Variants in DTNA observed in about 807,000 individuals in gnomAD.
DTNA encodes the protein dystrobrevin alpha.
In DTNA, 43 loss-of-function variants were observed where a neutral mutation model predicts 100.7. The observed-to-expected ratio is 0.43, with a 90% CI of 0.33 to 0.55. The LOEUF (loss-of-function observed/expected upper bound fraction) is 0.55, where lower values mean the gene tolerates loss of function less well. Ranked by LOEUF, DTNA falls within the 20% of genes least tolerant of loss-of-function variation. The pLI is 0.04. For missense variants in DTNA, 798 were observed against 953.9 expected (o/e 0.84, Z 2.15); for synonymous variants, 349 against 347.9 (o/e 1.00, Z -0.04).
chr18:34,827,691 T>C lies in DTNA; in HGVS notation c.1085+15T>C. The C allele has an allele frequency of 1.9e-6, 3 of 1,610,136 alleles. No individual in the cohort carries two copies. Among genetic ancestry groups the C allele is most frequent in the Non-Finnish European group, 1.7e-6 (2 of 1,176,376 alleles). On this transcript the variant is annotated intron_variant, in intron 10 of 22. Transcript: ENST00000444659. Reference sequence around the variant, plus strand: ...ATTACCAGGAGGTAAGTTCCAACCCTATTATAAAATAAGCCCTTTCTTTGG... The same window carrying C: ...ATTACCAGGAGGTAAGTTCCAACCCCATTATAAAATAAGCCCTTTCTTTGG...
intron 1 of DTNA, among the ~76,000 whole-genome samples, chr18:34,642,590 C>T (rs189099633): frequency 2.6e-5 from 4 of 151,490 alleles, no homozygotes; most frequent in East Asian, 1.9e-4. Flanking sequence ...AACGGAGTCT[C>T]GCTCTGTTGC....
chr18:34,753,662 G>C (rs546645367), intron 1 of DTNA, among the ~76,000 whole-genome samples: 1 of 141,812 alleles, frequency 7.1e-6, no homozygotes, highest in Non-Finnish European at 1.5e-5. Context: ...GATTACAGGC[G>C]TGAGCCACCG....
At chr18:34,856,464 G>A (rs974515685) in intron 15 of DTNA, among the ~76,000 whole-genome samples, 2 of 152,210 alleles carry the variant, frequency 1.3e-5, no homozygotes, top group East Asian at 3.8e-4. Flanking sequence ...AGCACCTTTG[G>A]TGGAGCCAGT....
intron 7 of DTNA, 25 bp downstream of exon 7, chr18:34,816,039 G>A (rs989786090): frequency 1.2e-6 from 2 of 1,603,668 alleles, no homozygotes; most frequent in East Asian, 2.2e-5. Context: ...AGGAGCAAAG[G>A]TGATTTTTTA....
upstream of DTNA, chr18:34,708,097 C>G (rs1370744556): frequency 6.6e-6 from 1 of 152,026 alleles, no homozygotes; most frequent in Non-Finnish European, 1.5e-5. Flanking sequence ...TTTTTTAACC[C>G]CTGGCTGCTT....
chr18:34,762,261 A>T (rs1412375279), intron 2 of DTNA, among the ~76,000 whole-genome samples: 4 of 152,228 alleles, frequency 2.6e-5, no homozygotes, highest in African/African-American at 9.6e-5. Context: ...CCTTAATTTC[A>T]GCAAGATATT....
chr18:34,510,321 C>T (rs1200631311), intron 1 of DTNA, among the ~76,000 whole-genome samples: 1 of 151,668 alleles, frequency 6.6e-6, no homozygotes, highest in African/African-American at 2.4e-5. Flanking sequence ...AGTTTTCATC[C>T]CTCAGTACCC....
At chr18:34,735,883 A>C (rs1601102873) in intron 1 of DTNA, among the ~76,000 whole-genome samples, 1 of 152,242 alleles carries the variant, frequency 6.6e-6, no homozygotes, top group Admixed American at 6.5e-5. Context: ...GGTGGCTAAA[A>C]CAGTGCATGA....
intron 1 of DTNA, among the ~76,000 whole-genome samples, chr18:34,606,508 T>G (rs2147350201): frequency 6.6e-6 from 1 of 152,248 alleles, no homozygotes; most frequent in South Asian, 2.1e-4. Flanking sequence ...TTCCTGAATC[T>G]CAGCATTATA....
chr18:34,538,707 C>T (rs1364921391), intron 1 of DTNA, among the ~76,000 whole-genome samples: 4 of 152,014 alleles, frequency 2.6e-5, no homozygotes, highest in African/African-American at 9.7e-5. Context: ...ATACCCCATA[C>T]ATGTTCTTTG....
chr18:34,530,319 C>G (rs1399623190), intron 1 of DTNA, among the ~76,000 whole-genome samples: 1 of 152,076 alleles, frequency 6.6e-6, no homozygotes, highest in Non-Finnish European at 1.5e-5. Context: ...TCCTTTTACT[C>G]TTAGTCCTCT....
chr18:34,878,084 T>C (rs899022406), intron 19 of DTNA, among the ~76,000 whole-genome samples: 4 of 151,920 alleles, frequency 2.6e-5, no homozygotes, highest in Non-Finnish European at 4.4e-5. Flanking sequence ...GTGATCCCCC[T>C]ACCTCAGCCT....
upstream of DTNA, chr18:34,710,228 A>T (rs1335291779): frequency 1.3e-5 from 2 of 152,166 alleles, no homozygotes; most frequent in East Asian, 3.9e-4. Context: ...CAGCAGCTGG[A>T]TTCATTGCTA....
chr18:34,512,539 A>G (rs531437206), intron 1 of DTNA, among the ~76,000 whole-genome samples: 2 of 152,142 alleles, frequency 1.3e-5, no homozygotes, highest in East Asian at 3.9e-4. Flanking sequence ...TTAACCTTCC[A>G]TCTTTTATGG....
intron 15 of DTNA, among the ~76,000 whole-genome samples, chr18:34,855,722 C>T (rs929240354): frequency 2.0e-5 from 3 of 152,330 alleles, no homozygotes; most frequent in South Asian, 2.1e-4. Context: ...TGCAGCATCA[C>T]GCCTCCATCC....
intron 2 of DTNA, among the ~76,000 whole-genome samples, chr18:34,761,177 A>G (rs985849183): frequency 4.9e-4 from 73 of 150,014 alleles, no homozygotes; most frequent in African/African-American, 1.6e-3. Context: ...CACAGAGCCA[A>G]TGATAAAGCG....
chr18:34,754,225 A>G (rs910250703), intron 1 of DTNA, among the ~76,000 whole-genome samples: 6 of 150,944 alleles, frequency 4.0e-5, no homozygotes, highest in Non-Finnish European at 5.9e-5. Context: ...CACTTTTACC[A>G]CCAATTTTTT....
chr18:34,657,657 A>G (rs1247997697), intron 1 of DTNA, among the ~76,000 whole-genome samples: 1 of 152,208 alleles, frequency 6.6e-6, no homozygotes, highest in Non-Finnish European at 1.5e-5. Context: ...CCATTTAGAC[A>G]AGGAAGACTA....
chr18:34,500,783 G>A (rs1020963516), intron 1 of DTNA, among the ~76,000 whole-genome samples: 10 of 151,904 alleles, frequency 6.6e-5, no homozygotes, highest in African/African-American at 1.7e-4. Context: ...TTTTTTTGAC[G>A]AATCATAGTT....
Sources: gnomAD v4.1 joint callset for allele counts (sites outside exome capture counted in the v4.1 genomes callset) on GRCh38, gnomAD v4.1.1 for gene constraint, MANE v1.5 for transcripts, NCBI Gene and HGNC (gene_info 2026-07-23, HGNC 2026-07-21) for gene names.